CSMD1: variants seen among roughly 807,000 people sequenced by gnomAD.
CSMD1 encodes CUB and sushi domain-containing protein 1.
CSMD1 carries 213 observed loss-of-function variants against 417.5 expected under a neutral mutation model. The ratio of observed to expected loss-of-function variants is 0.51; its 90% CI spans 0.46 to 0.57. CSMD1 has a LOEUF of 0.57. CSMD1 is among the 20% of genes least tolerant of loss of function. The probability of loss-of-function intolerance (pLI) is 0.00; values close to 1 mark genes in which losing one functional copy is unlikely to be tolerated. For synonymous variants in CSMD1, 2,862 were observed against 1,736.8 expected (o/e 1.65, Z -16.11); for missense variants, 6,923 against 4,529.7 (o/e 1.53, Z -15.17).
rs76938937 is a variant in CSMD1, at chr8:3,173,248, C to G, written c.5725+7862G>C. On this transcript the variant is annotated intron_variant, in intron 37 of 69. Coordinates refer to ENST00000635120, the MANE Select transcript of CSMD1 (RefSeq NM_033225.6). ...AGTTTTTTGTGTTACACTCAACACA[C>G]AAATAAATATTGAATGCCTAAAGTA... Among the ~76,000 whole-genome samples the G allele has an allele frequency of 1.5e-3, 226 of 152,252 alleles. 4 individuals are homozygous for G. Among genetic ancestry groups the G allele is most frequent in the African/African-American group, 5.2e-3 (215 of 41,538 alleles).
chr8:3,324,856 C>G (rs1004797389), intron 23 of CSMD1, among the ~76,000 whole-genome samples: 43 of 152,086 alleles, frequency 2.8e-4, no homozygotes, highest in African/African-American at 1.0e-3. Flanking sequence ...AGATTTCAAG[C>G]TCAATATTCC....
At chr8:3,671,872 C>T (rs954771019) in intron 7 of CSMD1, among the ~76,000 whole-genome samples, 2 of 152,038 alleles carry the variant, frequency 1.3e-5, no homozygotes, top group Non-Finnish European at 2.9e-5. Context: ...ACCTCTATCA[C>T]TGGGAGATGG....
At chr8:4,807,358 C>A (rs530409409) in intron 1 of CSMD1, among the ~76,000 whole-genome samples, 2 of 152,132 alleles carry the variant, frequency 1.3e-5, no homozygotes, top group African/African-American at 4.8e-5. Flanking sequence ...CTATTCAGGG[C>A]AGTACTCTCC....
intron 23 of CSMD1, among the ~76,000 whole-genome samples, chr8:3,318,462 C>T (rs1207031026): frequency 6.6e-6 from 1 of 152,192 alleles, no homozygotes; most frequent in African/African-American, 2.4e-5. Context: ...TCAGTCCTTG[C>T]TCACCAGAAA....
At chr8:3,888,465 G>A (rs140940010) in intron 5 of CSMD1, among the ~76,000 whole-genome samples, 19 of 152,112 alleles carry the variant, frequency 1.2e-4, no homozygotes, top group Admixed American at 5.9e-4. Flanking sequence ...AAAAAGAAGC[G>A]CCATTTAGGA....
chr8:3,701,511 A>AATTT (rs59254287), intron 7 of CSMD1, among the ~76,000 whole-genome samples: 5,716 of 149,828 alleles, frequency 0.038, 151 homozygotes, highest in South Asian at 0.095. Context: ...ATTAAACCTT[A>AATTT]TTTTTTTTTT....
rs1337193580 is a variant in CSMD1 at position 3,995,860 on chromosome 8, C to T, written c.818+2043G>A. Among the ~76,000 whole-genome samples, 3 of 152,174 alleles carry T rather than the reference C, an allele frequency of 2.0e-5. No individual in the cohort carries two copies. In the South Asian group the frequency reaches 6.2e-4, roughly 32 times the overall value. ...AGAGTTTATTAGACATGAAGGCACA[C>T]AGGATCATAGTTCCCACTGATAACT... On this transcript the variant is annotated intron_variant, in intron 5 of 69. Transcript: ENST00000635120.
chr8:3,454,819 T>C (rs982185661), intron 12 of CSMD1, among the ~76,000 whole-genome samples: 1 of 152,190 alleles, frequency 6.6e-6, no homozygotes, highest in Non-Finnish European at 1.5e-5. Flanking sequence ...GGAGTATCTT[T>C]GTGGCATTCT....
At chr8:4,155,265 A>G (rs1331981155) in intron 3 of CSMD1, among the ~76,000 whole-genome samples, 1 of 152,206 alleles carries the variant, frequency 6.6e-6, no homozygotes, top group Non-Finnish European at 1.5e-5. Flanking sequence ...GAGGTGAATA[A>G]GTCCGGGTGT....
At chr8:3,254,974 GCT>G (rs1800544392) in intron 26 of CSMD1, among the ~76,000 whole-genome samples, 2 of 152,052 alleles carry the variant, frequency 1.3e-5, no homozygotes, top group Admixed American at 6.6e-5. Flanking sequence ...CAGTTTTTCT[GCT>G]CTGTTTTTTC....
chr8:3,982,435 T>A (rs1475531139), intron 5 of CSMD1, among the ~76,000 whole-genome samples: 2 of 151,450 alleles, frequency 1.3e-5, no homozygotes, highest in African/African-American at 2.4e-5. Flanking sequence ...AGACATGGAA[T>A]TAATAGAAAG....
chr8:4,277,691 T>G, intron 3 of CSMD1, among the ~76,000 whole-genome samples: 1 of 152,202 alleles, frequency 6.6e-6, no homozygotes, highest in East Asian at 1.9e-4. Flanking sequence ...CGACAGAATT[T>G]AAGAAACTCC....
chr8:3,689,485 T>C (rs181185784), intron 7 of CSMD1, among the ~76,000 whole-genome samples: 1 of 152,318 alleles, frequency 6.6e-6, no homozygotes, highest in East Asian at 1.9e-4. Context: ...GACAGAATAG[T>C]GTTTTTATTC....
chr8:4,006,203 G>C (rs1197896158), intron 4 of CSMD1, among the ~76,000 whole-genome samples: 3 of 152,108 alleles, frequency 2.0e-5, no homozygotes, highest in Admixed American at 1.3e-4. Context: ...CAGTTGCTGA[G>C]AATTCCGGGA....
intron 25 of CSMD1, among the ~76,000 whole-genome samples, chr8:3,303,389 G>C (rs1186866444): frequency 2.0e-5 from 3 of 152,150 alleles, no homozygotes; most frequent in Non-Finnish European, 4.4e-5. Context: ...ATCCAGGTCA[G>C]GACAGCCAGC....
chr8:4,889,244 A>G (rs145710799), intron 1 of CSMD1, among the ~76,000 whole-genome samples: 1 of 152,266 alleles, frequency 6.6e-6, no homozygotes, highest in Non-Finnish European at 1.5e-5. Context: ...GAAAACACAA[A>G]ATTAGTTCTA....
chr8:4,829,260 C>T (rs1008916109), intron 1 of CSMD1, among the ~76,000 whole-genome samples: 2 of 152,052 alleles, frequency 1.3e-5, no homozygotes, highest in Non-Finnish European at 2.9e-5. Flanking sequence ...AATATTTTTT[C>T]AGTTAGAGTT....
chr8:4,085,283 A>C (rs1800360574), intron 3 of CSMD1, among the ~76,000 whole-genome samples: 1 of 152,162 alleles, frequency 6.6e-6, no homozygotes, highest in Non-Finnish European at 1.5e-5. Flanking sequence ...ATAGAATAAG[A>C]ACATCCTTAT....
intron 2 of CSMD1, among the ~76,000 whole-genome samples, chr8:4,533,401 G>T (rs1235831287): frequency 2.0e-5 from 3 of 152,194 alleles, no homozygotes; most frequent in Middle Eastern, 6.3e-3. Flanking sequence ...ATATGACCAG[G>T]ATGGACGGAC....
Sources: gnomAD v4.1 joint callset for allele counts (sites outside exome capture counted in the v4.1 genomes callset) on GRCh38, gnomAD v4.1.1 for gene constraint, MANE v1.5 for transcripts, NCBI Gene and HGNC (gene_info 2026-07-23, HGNC 2026-07-21) for gene names.